The following BCAS4 variants were observed in gnomAD, a reference collection of about 807,000 sequenced individuals.
BCAS4 encodes breast carcinoma amplified sequence 4.
In BCAS4, 9 loss-of-function variants were observed where a neutral mutation model predicts 15.7. The ratio of observed to expected loss-of-function variants is 0.57; its 90% CI spans 0.34 to 1.00. The LOEUF (loss-of-function observed/expected upper bound fraction) is 1.00, where lower values mean the gene tolerates loss of function less well. Ranked by LOEUF, BCAS4 falls within the 50% of genes least tolerant of loss-of-function variation. The pLI, the probability that BCAS4 is intolerant of heterozygous loss-of-function variation, is 0.02. For synonymous variants in BCAS4, 101 were observed against 99.5 expected, an observed-to-expected ratio of 1.02 and a Z score of -0.09; for missense variants, 225 against 239.1, an observed-to-expected ratio of 0.94 and a Z score of 0.39.
chr20:50,818,237 G>C lies in BCAS4; in HGVS notation c.117G>C (p.Glu39Asp). ...AEAKEVEETI[E>D]GMLLRLEEFC... The stretch of plus-strand genomic sequence containing the variant: ...CGAAGGAGGTGGAGGAGACCATCGA[G>C]GGCATGCTCCTCAGGCTGGAAGAGT... Residue 39 changes from glutamate to aspartate, a missense_variant, in exon 2 of 5, where the codon GAG becomes GAC. By Grantham distance (45) the Glu-to-Asp change is conservative. Transcript: ENST00000371608. The C allele has an allele frequency of 6.2e-7, 1 of 1,613,952 alleles. No homozygotes were observed. Among genetic ancestry groups the C allele is most frequent in the Non-Finnish European group, 8.5e-7 (1 of 1,179,988 alleles).
chr20:50,853,734 ACTGGG>A (rs1978589535), intron 4 of BCAS4, among the ~76,000 whole-genome samples: 1 of 103,306 alleles, frequency 9.7e-6, no homozygotes, highest in Non-Finnish European at 1.8e-5. Flanking sequence ...TGTTTTGTGT[ACTGGG>A]GGGTGTTTTG....
intron 2 of BCAS4, among the ~76,000 whole-genome samples, chr20:50,829,494 C>T (rs912267379): frequency 2.6e-5 from 4 of 152,064 alleles, no homozygotes; most frequent in African/African-American, 7.2e-5. Context: ...CCACCTACCT[C>T]GGCCTCCCAA....
chr20:50,865,201 C>T (rs1182465845), intron 4 of BCAS4, among the ~76,000 whole-genome samples: 13 of 152,088 alleles, frequency 8.5e-5, no homozygotes. Context: ...CCTTGGTGCT[C>T]AAGTAGGATG....
chr20:50,866,036 C>T (rs1979341578), intron 4 of BCAS4, among the ~76,000 whole-genome samples: 1 of 152,152 alleles, frequency 6.6e-6, no homozygotes, highest in African/African-American at 2.4e-5. Context: ...GGGGCTGCCA[C>T]CAAGAGCTCA....
chr20:50,820,735 G>A (rs1475607269), intron 2 of BCAS4, among the ~76,000 whole-genome samples: 2 of 152,218 alleles, frequency 1.3e-5, no homozygotes, highest in East Asian at 3.9e-4. Flanking sequence ...CCTGTGGTGG[G>A]AAGTGTGTGT....
At chr20:50,876,262 TC>T (rs1298062598) in intron 4 of BCAS4, among the ~76,000 whole-genome samples, 71 of 152,300 alleles carry the variant, frequency 4.7e-4, no homozygotes, top group African/African-American at 1.6e-3. Context: ...GCCTGGCTCT[TC>T]TTGATGCCTA....
chr20:50,795,133 G>C lies in BCAS4; in HGVS notation c.50G>C (p.Arg17Pro), dbSNP rs1452934379. The C allele has an allele frequency of 2.0e-6, 3 of 1,476,940 alleles. No homozygotes were observed. The highest frequency in any genetic ancestry group is 2.7e-6 in the Non-Finnish European group (3 of 1,111,048). 91.5% of individuals were successfully genotyped at this position (1,476,940 alleles called of 1,614,324 possible). Residue 17 changes from arginine to proline, a missense_variant, in exon 1 of 5, where the codon CGC becomes CCC. By Grantham distance (103) the Arg-to-Pro change is moderately radical. Coordinates refer to ENST00000371608, the MANE Select transcript of BCAS4 (RefSeq NM_198799.4). ...DQPEPMRSGA[R>P]ELALFLTPEP... ...CCGGAGCCCATGCGCAGCGGGGCGC[G>C]CGAGCTCGCGCTCTTCCTGACCCCC...
chr20:50,803,025 AC>A (rs2087946721), intron 1 of BCAS4, among the ~76,000 whole-genome samples: 1 of 152,192 alleles, frequency 6.6e-6, no homozygotes, highest in Non-Finnish European at 1.5e-5. Context: ...TACAAAAAAT[AC>A]AAAAATTAGC....
intron 1 of BCAS4, among the ~76,000 whole-genome samples, chr20:50,815,424 CTCTCTT>C (rs111314239): frequency 2.6e-5 from 4 of 152,198 alleles, no homozygotes; most frequent in South Asian, 4.1e-4. Context: ...TGCCCCACTC[CTCTCTT>C]TCTCTTTCTC....
At chr20:50,872,651 C>T (rs1408501305) in intron 4 of BCAS4, among the ~76,000 whole-genome samples, 1 of 152,132 alleles carries the variant, frequency 6.6e-6, no homozygotes, top group Non-Finnish European at 1.5e-5. Context: ...GCGGAAACAG[C>T]GCCCACCCAT....
At chr20:50,842,391 C>T (rs1013632405) in intron 4 of BCAS4, among the ~76,000 whole-genome samples, 5 of 152,312 alleles carry the variant, frequency 3.3e-5, no homozygotes, top group African/African-American at 1.2e-4. Context: ...CTCTCCGTGG[C>T]CCCGCAAGGA....
intron 4 of BCAS4, among the ~76,000 whole-genome samples, chr20:50,856,947 G>A (rs764800434): frequency 6.6e-6 from 1 of 152,272 alleles, no homozygotes; most frequent in Non-Finnish European, 1.5e-5. Context: ...ATCAGAACTG[G>A]CTCCCGTAAC....
intron 3 of BCAS4, among the ~76,000 whole-genome samples, chr20:50,833,590 G>A (rs76669166): frequency 0.014 from 2,190 of 152,306 alleles, 25 homozygotes; most frequent in Non-Finnish European, 0.023. Flanking sequence ...GTTTCAAAGC[G>A]CTGATCTAGA....
At chr20:50,871,184 G>A (rs1018149339) in intron 4 of BCAS4, among the ~76,000 whole-genome samples, 1 of 152,236 alleles carries the variant, frequency 6.6e-6, no homozygotes, top group Non-Finnish European at 1.5e-5. Context: ...CGATGGGCAA[G>A]GGCTGGTCTT....
At position 50,800,625 on chromosome 20, in the gene BCAS4, A is replaced by G. The variant is rs1273323563; in HGVS notation, c.90+5452A>G. Among the ~76,000 whole-genome samples, 3 of 144,648 alleles carry G rather than the reference A, an allele frequency of 2.1e-5. No homozygotes were observed. In the Admixed American group the frequency reaches 2.2e-4, roughly 10 times the overall value. The allele number at this position is 144,648 out of a possible 152,430, so 94.9% of individuals were successfully genotyped here. ...CACCCAGGCTGGAGTGCAGTGGCGC[A>G]AACTCAGCTCACTGCAACCTCCGCC... On this transcript the variant is annotated intron_variant, in intron 1 of 4. Transcript: ENST00000371608.
At chr20:50,831,608 C>T (rs955799605) in intron 3 of BCAS4, among the ~76,000 whole-genome samples, 1 of 152,150 alleles carries the variant, frequency 6.6e-6, no homozygotes, top group African/African-American at 2.4e-5. Context: ...CTCACTGCCC[C>T]CATCTCCTGG....
intron 4 of BCAS4, 86 bp downstream of exon 4, chr20:50,841,986 C>CA (rs1357298899): frequency 7.6e-6 from 11 of 1,442,386 alleles, no homozygotes; most frequent in Non-Finnish European, 1.0e-5. Flanking sequence ...ATGCAGGAAG[C>CA]AGAGTTCAGG....
chr20:50,842,010 C>T (rs2088489469), intron 4 of BCAS4, 110 bp downstream of exon 4: 2 of 1,336,824 alleles, frequency 1.5e-6, no homozygotes, highest in Non-Finnish European at 2.0e-6. Flanking sequence ...GCACATTTCA[C>T]TTCTGCAGAC....
chr20:50,842,749 AG>A (rs2088500600), intron 4 of BCAS4, among the ~76,000 whole-genome samples: 1 of 151,986 alleles, frequency 6.6e-6, no homozygotes, highest in African/African-American at 2.4e-5. Flanking sequence ...GAGAAGACGG[AG>A]GCTCGGGGAA....
Sources: gnomAD v4.1 joint callset for allele counts (sites outside exome capture counted in the v4.1 genomes callset) on GRCh38, gnomAD v4.1.1 for gene constraint, MANE v1.5 for transcripts, NCBI Gene and HGNC (gene_info 2026-07-23, HGNC 2026-07-21) for gene names.